The following SNTB2 variants were observed in gnomAD, a reference collection of about 807,000 sequenced individuals.
The protein encoded by SNTB2 is syntrophin beta 2, also known as beta-2-syntrophin.
Under a neutral mutation model 46.2 loss-of-function variants are expected in SNTB2, and 34 were observed. That is an observed-to-expected ratio of 0.74 (90% CI 0.56 to 0.98). The LOEUF is 0.98. Ranked by LOEUF, SNTB2 falls within the 50% of genes least tolerant of loss-of-function variation. The pLI is 0.00. For synonymous variants in SNTB2, 290 were observed against 312.6 expected (o/e 0.93, Z 0.76); for missense variants, 603 against 731.4 (o/e 0.82, Z 2.02).
intron 1 of SNTB2, among the ~76,000 whole-genome samples, chr16:69,199,664 T>A (rs908301223): frequency 6.6e-6 from 1 of 150,802 alleles, no homozygotes; most frequent in Non-Finnish European, 1.5e-5. Context: ...GAGAGAAATA[T>A]TGAGCAATCT....
chr16:69,224,945 G>A (rs1214597500), intron 1 of SNTB2, among the ~76,000 whole-genome samples: 2 of 152,200 alleles, frequency 1.3e-5, no homozygotes, highest in East Asian at 3.8e-4. Flanking sequence ...TTAACATGCA[G>A]TAGTTGATTG....
intron 5 of SNTB2, among the ~76,000 whole-genome samples, chr16:69,293,109 A>G (rs1034734114): frequency 6.6e-6 from 1 of 152,198 alleles, no homozygotes; most frequent in Non-Finnish European, 1.5e-5. Context: ...CACTAAAACT[A>G]GAATAAATAT....
chr16:69,281,767 C>T (rs1965049791), intron 4 of SNTB2, among the ~76,000 whole-genome samples: 1 of 151,148 alleles, frequency 6.6e-6, no homozygotes, highest in Admixed American at 6.6e-5. Flanking sequence ...CGCTTGAACC[C>T]AGGAAGCGGA....
intron 1 of SNTB2, among the ~76,000 whole-genome samples, chr16:69,200,040 G>A (rs1964146309): frequency 6.6e-6 from 1 of 151,918 alleles, no homozygotes; most frequent in Non-Finnish European, 1.5e-5. Context: ...GCAGCCTCTT[G>A]AGTAGCTAGG....
chr16:69,252,533 G>A (rs1964736546), intron 2 of SNTB2, among the ~76,000 whole-genome samples: 1 of 152,062 alleles, frequency 6.6e-6, no homozygotes, highest in Admixed American at 6.6e-5. Flanking sequence ...TCTTCACATT[G>A]GCAATTTTCC....
At chr16:69,226,068 G>A (rs750493062) in intron 1 of SNTB2, among the ~76,000 whole-genome samples, 2 of 147,992 alleles carry the variant, frequency 1.4e-5, no homozygotes, top group Non-Finnish European at 3.0e-5. Context: ...CAGTTCTTCT[G>A]TTTTTTGTTT....
At chr16:69,236,999 A>G (rs1349227815) in intron 1 of SNTB2, among the ~76,000 whole-genome samples, 1 of 152,226 alleles carries the variant, frequency 6.6e-6, no homozygotes, top group Non-Finnish European at 1.5e-5. Flanking sequence ...GCTAATCCTT[A>G]TAACTACAAG....
chr16:69,305,039 G>A lies in SNTB2; in HGVS notation c.*4115G>A, dbSNP rs2143220856. On this transcript the variant is annotated 3_prime_UTR_variant, in exon 7 of 7. Transcript: ENST00000336278. ...CAAGGCTATGTTTCTCCTAGAAACA[G>A]GTTTTGCTGTAAATGGTTTTGATGG... 6.6e-6 allele frequency: 1 copy of A among 152,204 alleles called. No homozygotes were observed. The highest frequency in any genetic ancestry group is 1.9e-4 in the East Asian group (1 of 5,184). 9.4% of individuals were successfully genotyped at this position (152,204 alleles called of 1,614,324 possible). A position where few individuals can be genotyped will look rare whatever the true frequency, so the allele number is the denominator to read the frequency against.
chr16:69,191,642 T>A (rs867839819), intron 1 of SNTB2, among the ~76,000 whole-genome samples: 3 of 151,196 alleles, frequency 2.0e-5, no homozygotes, highest in Admixed American at 6.6e-5. Context: ...GGTGTTTTTT[T>A]ATTTTGTTTT....
chr16:69,230,031 C>A (rs963736689), intron 1 of SNTB2, among the ~76,000 whole-genome samples: 1 of 152,042 alleles, frequency 6.6e-6, no homozygotes. Context: ...AAGCAGTCCT[C>A]CCTTCTTGGC....
intron 5 of SNTB2, among the ~76,000 whole-genome samples, chr16:69,296,039 G>A (rs1965219844): frequency 6.6e-6 from 1 of 152,148 alleles, no homozygotes; most frequent in African/African-American, 2.4e-5. Flanking sequence ...CAGCATTTTA[G>A]GAGGCCGAGG....
At chr16:69,270,924 A>G (rs1252787978) in intron 4 of SNTB2, among the ~76,000 whole-genome samples, 1 of 152,180 alleles carries the variant, frequency 6.6e-6, no homozygotes, top group African/African-American at 2.4e-5. Context: ...GGACTTAACA[A>G]AAGAATCAGG....
intron 1 of SNTB2, among the ~76,000 whole-genome samples, chr16:69,221,537 A>G (rs1278544508): frequency 6.6e-6 from 1 of 152,182 alleles, no homozygotes; most frequent in African/African-American, 2.4e-5. Flanking sequence ...GCAGTTTGGG[A>G]GGCTGACGTG....
intron 3 of SNTB2, 149 bp from the exon 4 acceptor site, chr16:69,269,994 G>A: frequency 2.4e-6 from 2 of 841,600 alleles, no homozygotes; most frequent in East Asian, 5.0e-5. Context: ...CCCTACCAGT[G>A]TAAACTTGGT....
At chr16:69,288,385 C>T (rs1039468988) in intron 5 of SNTB2, among the ~76,000 whole-genome samples, 3 of 152,102 alleles carry the variant, frequency 2.0e-5, no homozygotes, top group Admixed American at 1.3e-4. Context: ...TTTAAATAGA[C>T]AAAAGAAACA....
intron 1 of SNTB2, among the ~76,000 whole-genome samples, chr16:69,232,014 T>A (rs1964510524): frequency 6.6e-6 from 1 of 152,174 alleles, no homozygotes; most frequent in African/African-American, 2.4e-5. Flanking sequence ...ATACAGTAGA[T>A]AGTCTAAAGC....
At chr16:69,269,325 C>T (rs906017272) in intron 3 of SNTB2, among the ~76,000 whole-genome samples, 9 of 151,444 alleles carry the variant, frequency 5.9e-5, no homozygotes, top group Admixed American at 2.6e-4. Flanking sequence ...GAGACCATCC[C>T]GGCCAACATG....
rs538636198 is a variant in SNTB2, at chr16:69,213,779, T to A, written c.580+26033T>A. Among the ~76,000 whole-genome samples the A allele has an allele frequency of 2.4e-4, 36 of 151,132 alleles. No individual in the cohort carries two copies. In the South Asian group the frequency reaches 7.1e-3, roughly 30 times the overall value. On this transcript the variant is annotated intron_variant, in intron 1 of 6. Coordinates refer to ENST00000336278, the MANE Select transcript of SNTB2 (RefSeq NM_006750.4). ...TCCCAAAGTACTGGGATTACAGGTG[T>A]GAGCCACCGTGCCCAGCTGATAAAT...
chr16:69,298,811 C>T (rs994216822), intron 5 of SNTB2, among the ~76,000 whole-genome samples: 6 of 151,980 alleles, frequency 3.9e-5, no homozygotes, highest in Non-Finnish European at 7.4e-5. Context: ...TGTGAGCCAC[C>T]GTACCCGGCC....
Sources: gnomAD v4.1 joint callset for allele counts (sites outside exome capture counted in the v4.1 genomes callset) on GRCh38, gnomAD v4.1.1 for gene constraint, MANE v1.5 for transcripts, NCBI Gene and HGNC (gene_info 2026-07-23, HGNC 2026-07-21) for gene names.